The following ZDHHC14 variants were observed in gnomAD, a reference collection of about 807,000 sequenced individuals.
ZDHHC14 encodes the protein zDHHC palmitoyltransferase 14, also known as palmitoyltransferase ZDHHC14.
A neutral mutation model predicts 47.7 loss-of-function variants in ZDHHC14; 16 were observed. That is an observed-to-expected ratio of 0.34 (90% CI 0.23 to 0.51). ZDHHC14 has a LOEUF of 0.51. Among genes scored for constraint, ZDHHC14 ranks in the 20% least tolerant of loss-of-function variants. ZDHHC14 has a pLI of 0.97. For synonymous variants in ZDHHC14, 293 were observed against 278.9 expected (o/e 1.05, Z -0.50); for missense variants, 515 against 662.5 (o/e 0.78, Z 2.44).
At chr6:157,436,859 C>G (rs567291698) in intron 1 of ZDHHC14, among the ~76,000 whole-genome samples, 1 of 151,904 alleles carries the variant, frequency 6.6e-6, no homozygotes, top group Non-Finnish European at 1.5e-5. Context: ...GGAGGGAGGT[C>G]GAGGCAGGGC....
At chr6:157,517,602 C>T (rs147808335) in intron 1 of ZDHHC14, among the ~76,000 whole-genome samples, 9 of 152,280 alleles carry the variant, frequency 5.9e-5, no homozygotes, top group Admixed American at 3.3e-4. Flanking sequence ...TGAGCCACCG[C>T]GCCTGGCCTT....
At chr6:157,461,303 T>C (rs543133929) in intron 1 of ZDHHC14, among the ~76,000 whole-genome samples, 1 of 152,310 alleles carries the variant, frequency 6.6e-6, no homozygotes, top group East Asian at 1.9e-4. Flanking sequence ...GTGGGCAAAG[T>C]CTCGTGCCCC....
At chr6:157,585,410 A>T (rs1312791542) in intron 2 of ZDHHC14, among the ~76,000 whole-genome samples, 2 of 143,012 alleles carry the variant, frequency 1.4e-5, no homozygotes, top group African/African-American at 5.4e-5. Flanking sequence ...GAAACCAAAA[A>T]TACAAAAAAA....
At chr6:157,571,925 G>A (rs1022964202) in intron 2 of ZDHHC14, among the ~76,000 whole-genome samples, 3 of 151,896 alleles carry the variant, frequency 2.0e-5, no homozygotes, top group African/African-American at 7.3e-5. Flanking sequence ...TGCACCTACG[G>A]CAAGGCTCCT....
At chr6:157,641,070 G>C (rs1777225422) in intron 5 of ZDHHC14, among the ~76,000 whole-genome samples, 1 of 152,206 alleles carries the variant, frequency 6.6e-6, no homozygotes, top group South Asian at 2.1e-4. Flanking sequence ...ATGTTTCCAT[G>C]ATGATACATA....
At chr6:157,650,532 GA>G (rs775979956) in intron 7 of ZDHHC14, among the ~76,000 whole-genome samples, 10 of 152,140 alleles carry the variant, frequency 6.6e-5, no homozygotes, top group Admixed American at 6.5e-4. Flanking sequence ...TGCTGGCCGA[GA>G]ACGCTTGATT....
chr6:157,644,988 T>A (rs542514058), intron 5 of ZDHHC14, among the ~76,000 whole-genome samples: 1 of 152,296 alleles, frequency 6.6e-6, no homozygotes, highest in East Asian at 1.9e-4. Context: ...GTGGAACTCT[T>A]GACTTCCTCT....
At chr6:157,400,694 C>G (rs770859514) in intron 1 of ZDHHC14, among the ~76,000 whole-genome samples, 6 of 152,218 alleles carry the variant, frequency 3.9e-5, no homozygotes, top group Admixed American at 1.3e-4. Context: ...TGTGTTCACC[C>G]TGCTGTGCCT....
chr6:157,383,419 G>T (rs1777252920), intron 1 of ZDHHC14, among the ~76,000 whole-genome samples: 1 of 152,126 alleles, frequency 6.6e-6, no homozygotes, highest in Admixed American at 6.5e-5. Flanking sequence ...AAAACCTTTT[G>T]AATTTATTTA....
At chr6:157,621,240 A>G (rs1426149123) in intron 3 of ZDHHC14, among the ~76,000 whole-genome samples, 1 of 152,154 alleles carries the variant, frequency 6.6e-6, no homozygotes, top group Non-Finnish European at 1.5e-5. Context: ...TGTGGTGACC[A>G]TAGAGGCCAG....
At position 157,647,428 on chromosome 6, in the gene ZDHHC14, G is replaced by A. The variant is rs573323857; in HGVS notation, c.965+60G>A. The stretch of plus-strand genomic sequence containing the variant: ...CCTTGGAAAACCGAATGCCTCGGCC[G>A]TTAGCACAGGCCGCCCGCCCTGGTG... On this transcript the variant is annotated intron_variant, in intron 7 of 8. Coordinates refer to ENST00000359775, the MANE Select transcript of ZDHHC14 (RefSeq NM_024630.3). The A allele has an allele frequency of 1.4e-3, 1,983 of 1,374,804 alleles. 3 individuals are homozygous for A. Among genetic ancestry groups the A allele is most frequent in the Non-Finnish European group, 1.9e-3 (1,859 of 986,224 alleles). 85.2% of individuals were successfully genotyped at this position (1,374,804 alleles called of 1,614,324 possible). A position where few individuals can be genotyped will look rare whatever the true frequency, so the allele number is the denominator to read the frequency against.
chr6:157,622,216 C>CAA (rs35681787), intron 3 of ZDHHC14, among the ~76,000 whole-genome samples: 1,631 of 93,744 alleles, frequency 0.017, 36 homozygotes, highest in African/African-American at 0.052. Context: ...ACTAAAAATA[C>CAA]AAAAAAAAAA....
intron 1 of ZDHHC14, among the ~76,000 whole-genome samples, chr6:157,450,160 A>C (rs1267330299): frequency 6.6e-6 from 1 of 151,892 alleles, no homozygotes; most frequent in African/African-American, 2.4e-5. Context: ...AGTTGAAGGA[A>C]AGGGGCACAT....
chr6:157,435,727 A>G (rs1429075170), intron 1 of ZDHHC14, among the ~76,000 whole-genome samples: 2 of 151,992 alleles, frequency 1.3e-5, no homozygotes, highest in African/African-American at 4.8e-5. Flanking sequence ...TTTTGTAGAG[A>G]CACTGTTTTG....
chr6:157,453,808 G>GTA (rs1778857290), intron 1 of ZDHHC14, among the ~76,000 whole-genome samples: 1 of 150,458 alleles, frequency 6.6e-6, no homozygotes, highest in South Asian at 2.1e-4. Flanking sequence ...GTGTGTGTGT[G>GTA]TGTGTGTGTT....
chr6:157,462,093 G>A (rs1325311854), intron 1 of ZDHHC14, among the ~76,000 whole-genome samples: 1 of 152,208 alleles, frequency 6.6e-6, no homozygotes, highest in Non-Finnish European at 1.5e-5. Context: ...CTATAGATCT[G>A]TGAGTTCACA....
chr6:157,518,755 T>G (rs1780796312), intron 1 of ZDHHC14, among the ~76,000 whole-genome samples: 1 of 152,168 alleles, frequency 6.6e-6, no homozygotes, highest in Non-Finnish European at 1.5e-5. Flanking sequence ...AACCTTGGAT[T>G]TAAGCCAGAG....
chr6:157,634,274 C>T (rs1776858246), intron 5 of ZDHHC14, among the ~76,000 whole-genome samples: 1 of 152,028 alleles, frequency 6.6e-6, no homozygotes, highest in African/African-American at 2.4e-5. Flanking sequence ...GGAAGATGTA[C>T]AAAGGGGACT....
At chr6:157,647,398 A>C (rs995361497) in intron 7 of ZDHHC14, 30 bp downstream of exon 7, 4 of 1,571,728 alleles carry the variant, frequency 2.5e-6, no homozygotes, top group Non-Finnish European at 3.5e-6. Context: ...GTGCTCTTCA[A>C]CAGACCTTGG....
Sources: gnomAD v4.1 joint callset for allele counts (sites outside exome capture counted in the v4.1 genomes callset) on GRCh38, gnomAD v4.1.1 for gene constraint, MANE v1.5 for transcripts, NCBI Gene and HGNC (gene_info 2026-07-23, HGNC 2026-07-21) for gene names.